Variants in LGI4 observed in about 807,000 individuals in gnomAD.
LGI4 encodes leucine-rich repeat LGI family member 4.
In LGI4, 36 loss-of-function variants were observed where a neutral mutation model predicts 48.3. The observed-to-expected ratio is 0.75, with a 90% CI of 0.57 to 0.98. The LOEUF is 0.98. Ranked by LOEUF, LGI4 falls within the 50% of genes least tolerant of loss-of-function variation. LGI4 has a pLI of 0.00. For synonymous variants in LGI4, 355 were observed against 331.6 expected, an observed-to-expected ratio of 1.07 and a Z score of -0.77; for missense variants, 701 against 732.1, an observed-to-expected ratio of 0.96 and a Z score of 0.49.
chr19:35,130,023 C>T (rs756661805), intron 6 of LGI4, among the ~76,000 whole-genome samples: 2 of 152,140 alleles, frequency 1.3e-5, no homozygotes, highest in African/African-American at 2.4e-5. Flanking sequence ...ATCTGGCCTA[C>T]GTGCACATCC....
At chr19:35,125,644 C>G in intron 8 of LGI4, 137 bp from the exon 9 acceptor site, 2 of 779,604 alleles carry the variant, frequency 2.6e-6, no homozygotes, top group South Asian at 1.6e-5. Context: ...CCCACCTGTT[C>G]GGCCACACAC....
Position 35,125,231 on chromosome 19 carries a change from G to C in LGI4, c.1576C>G (p.Gln526Glu). The C allele has an allele frequency of 6.4e-7, 1 of 1,574,442 alleles. No individual in the cohort carries two copies. The highest frequency in any genetic ancestry group is 8.6e-7 in the Non-Finnish European group (1 of 1,158,050). ...TCGATCTCGTGATGCTGGTAGATCT[G>C]TGTGGGGCCCTTAAAGCAAGCAGCA... ...LFAACFKGPT[Q>E]IYQHHEIDLS... Residue 526 changes from glutamine (Q) to glutamate (E), a missense_variant, in exon 9 of 9, where the codon CAG (glutamine) becomes GAG (glutamate). Physicochemically the swap from Gln to Glu is conservative, Grantham distance 29. Transcript: ENST00000310123.
In LGI4 at chr19:35,125,645, G is replaced by A. The variant is rs1463728504; in HGVS notation, c.1300-138C>T. 4 of 780,290 alleles carry A rather than the reference G, an allele frequency of 5.1e-6. No individual in the cohort carries two copies. In the Admixed American group the frequency reaches 6.4e-5, roughly 12 times the overall value. The allele number at this position is 780,290 out of a possible 1,614,324, so 48.3% of individuals were successfully genotyped here. A position where few individuals can be genotyped will look rare whatever the true frequency, so the allele number is the denominator to read the frequency against. On this transcript the variant is annotated intron_variant, in intron 8 of 8. Coordinates refer to ENST00000310123, the MANE Select transcript of LGI4 (RefSeq NM_139284.3). ...CATAAAAGTCACCACCCACCTGTTC[G>A]GCCACACACATGCAGTTGTTCTGAG...
chr19:35,127,745 T>G (rs1337818332), intron 6 of LGI4, among the ~76,000 whole-genome samples: 1 of 152,234 alleles, frequency 6.6e-6, no homozygotes, highest in Non-Finnish European at 1.5e-5. Context: ...AAACAGCATC[T>G]GGATTAATTC....
Position 35,133,784 on chromosome 19 carries a change from G to T in LGI4, c.243-20C>A. On this transcript the variant is annotated intron_variant, in intron 2 of 8. Coordinates refer to ENST00000310123, the MANE Select transcript of LGI4 (RefSeq NM_139284.3). ...AAGAGGCTGGCAAGGGGGCAAGAAA[G>T]AAATTTTTCCAGAATTGCAGCCCCC... The T allele has an allele frequency of 1.3e-6, 2 of 1,592,414 alleles. No individual in the cohort carries two copies. The highest frequency in any genetic ancestry group is 1.7e-4 in the Middle Eastern group (1 of 5,868).
At chr19:35,131,246 G>A in intron 6 of LGI4, 140 bp downstream of exon 6, 1 of 996,112 alleles carries the variant, frequency 1.0e-6, no homozygotes, top group South Asian at 1.4e-5. Flanking sequence ...GAGAAAACTG[G>A]GGCTCAGGAA....
At chr19:35,130,962 T>C (rs1483592692) in intron 6 of LGI4, 1 of 468,320 alleles carries the variant, frequency 2.1e-6, no homozygotes, top group Non-Finnish European at 3.8e-6. Context: ...CATTCTGTGC[T>C]CTCTGCACTG....
Position 35,128,411 on chromosome 19 carries a change from C to T in LGI4, c.629-1394G>A, listed in dbSNP as rs1020753997. Reference sequence around the variant, plus strand: ...TTTTTAAATGGCTATCAAATCACCTCTTGCTCAAAACTCTCAGCCGAGAGT... The same window carrying T: ...TTTTTAAATGGCTATCAAATCACCTTTTGCTCAAAACTCTCAGCCGAGAGT... On this transcript the variant is annotated intron_variant, in intron 6 of 8. Coordinates refer to ENST00000310123, the MANE Select transcript of LGI4 (RefSeq NM_139284.3). 5.9e-4 allele frequency among the ~76,000 whole-genome samples: 90 copies of T among 152,186 alleles called. 2 individuals are homozygous for T. The highest frequency in any genetic ancestry group is 1.5e-4 in the Non-Finnish European group (10 of 68,034).
rs764087493 is a variant in LGI4 at position 35,125,353 on chromosome 19, T to A, written c.1454A>T (p.Lys485Met). 13 of 1,613,408 alleles carry A rather than the reference T, an allele frequency of 8.1e-6. No individual in the cohort carries two copies. The Admixed American group carries it at 2.0e-4, about 25-fold the overall frequency. ...FSQVLRLEPDKGLLEPLQELG... is the reference protein window; with the variant it reads ...FSQVLRLEPDMGLLEPLQELG... ...CTCCTGCAGTGGCTCCAGGAGCCCC[T>A]TGTCAGGCTCAAGGCGGAGGACCTG... Residue 485 changes from lysine (K) to methionine (M), a missense_variant, in exon 9 of 9, where the codon AAG (lysine) becomes ATG (methionine). This residue lies in a region of LGI4 where 223 missense variants were observed against 263.3 expected (regional missense o/e 0.85). Transcript: ENST00000310123.
In LGI4 at chr19:35,128,929, G is replaced by A. The variant is rs961100560; in HGVS notation, c.629-1912C>T. Among the ~76,000 whole-genome samples, 2 of 152,092 alleles carry A rather than the reference G, an allele frequency of 1.3e-5. 1 individual carries two copies. Among genetic ancestry groups the A allele is most frequent in the Admixed American group, 1.3e-4 (2 of 15,258 alleles). Reference sequence around the variant, plus strand: ...CTCTCTCTGAAGAGCCCTTCCCTCTGTTCCTCACTTAGCCACATCGAGACC... The same window carrying A: ...CTCTCTCTGAAGAGCCCTTCCCTCTATTCCTCACTTAGCCACATCGAGACC... On this transcript the variant is annotated intron_variant, in intron 6 of 8. Coordinates refer to ENST00000310123, the MANE Select transcript of LGI4 (RefSeq NM_139284.3).
In LGI4 at chr19:35,127,014, A is replaced by T. The variant is rs537669079; in HGVS notation, c.632T>A (p.Leu211Gln). 7.2e-5 allele frequency: 114 copies of T among 1,587,400 alleles called. 4 individuals are homozygous for T. In the South Asian group the frequency reaches 1.2e-3, roughly 17 times the overall value. ...CTCCCCCACCGTCTGGAACCAGGAC[A>T]GCTCTGTGGGTGGAGAAGAGAGTCA... ...PKTFKCRAIE[L>Q]SWFQTVGESA... Residue 211 changes from leucine to glutamine, a missense_variant, in exon 7 of 9, where the codon CTG becomes CAG. This residue lies in a region of LGI4 where 462 missense variants were observed against 436.4 expected (regional missense o/e 1.06). Transcript: ENST00000310123.
chr19:35,133,512 C>A, intron 3 of LGI4, 181 bp downstream of exon 3: 3 of 1,433,884 alleles, frequency 2.1e-6, no homozygotes, highest in East Asian at 2.5e-5. Context: ...CTGAGAACTT[C>A]ATCAGTATCA....
intron 6 of LGI4, among the ~76,000 whole-genome samples, chr19:35,130,768 C>G (rs1390193514): frequency 6.6e-6 from 1 of 152,182 alleles, no homozygotes; most frequent in African/African-American, 2.4e-5. Context: ...CCTGTCCCCC[C>G]AGCTCTGTGT....
At chr19:35,128,307 G>T (rs374399617) in intron 6 of LGI4, among the ~76,000 whole-genome samples, 3 of 152,214 alleles carry the variant, frequency 2.0e-5, no homozygotes, top group Non-Finnish European at 4.4e-5. Flanking sequence ...TTCACTCTGC[G>T]TGCCAGGCCC....
intron 6 of LGI4, chr19:35,131,077 C>T (rs577250579): frequency 1.2e-4 from 69 of 590,670 alleles, no homozygotes; most frequent in African/African-American, 9.5e-4. Context: ...TGGCACTTAA[C>T]GAAGAATTTT....
chr19:35,129,974 C>A (rs528120213), intron 6 of LGI4, among the ~76,000 whole-genome samples: 1 of 152,168 alleles, frequency 6.6e-6, no homozygotes, highest in African/African-American at 2.4e-5. Flanking sequence ...CTCAGCTACT[C>A]TTTACTGCAC....
In LGI4 at chr19:35,131,479, T is replaced by A; in HGVS notation, c.535A>T (p.Ser179Cys). The A allele has an allele frequency of 6.4e-7, 1 of 1,551,044 alleles. No individual in the cohort carries two copies. Among genetic ancestry groups the A allele is most frequent in the South Asian group, 1.2e-5 (1 of 84,028 alleles). ...CCCGCACAGGCGCCGGTCCCCACGC[T>A]GGCATTCACGGTGGGCATCCACTGC... is the stretch of plus-strand genomic sequence containing the variant. ...LLQWMPTVNASVGTGACAGPA... is the reference protein window; with the variant it reads ...LLQWMPTVNACVGTGACAGPA... Residue 179 changes from serine to cysteine, a missense_variant, in exon 6 of 9, where the codon AGC becomes TGC. By Grantham distance (112) the Ser-to-Cys change is moderately radical. Around this residue, in one of 3 missense-constraint regions of LGI4, gnomAD observed 462 missense variants for 436.4 expected, o/e 1.06. Transcript: ENST00000310123.
intron 6 of LGI4, among the ~76,000 whole-genome samples, chr19:35,129,797 TG>T (rs2065162815): frequency 6.6e-6 from 1 of 151,798 alleles, no homozygotes; most frequent in Non-Finnish European, 1.5e-5. Flanking sequence ...TGAGGAGTAT[TG>T]GTGAAAGAGG....
chr19:35,126,179 C>G lies in LGI4; in HGVS notation c.1299+91G>C, dbSNP rs772952607. 2.1e-6 allele frequency: 3 copies of G among 1,407,068 alleles called. No individual in the cohort carries two copies. In the East Asian group the frequency reaches 7.2e-5, roughly 34 times the overall value. The allele number at this position is 1,407,068 out of a possible 1,614,324, so 87.2% of individuals were successfully genotyped here. A position where few individuals can be genotyped will look rare whatever the true frequency, so the allele number is the denominator to read the frequency against. ...GGTGGGGTCCTGGTTCAAAGGTCGG[C>G]ATGTGAGGGTAGGTCAGAGTTTAGA... On this transcript the variant is annotated intron_variant, in intron 8 of 8. Coordinates refer to ENST00000310123, the MANE Select transcript of LGI4 (RefSeq NM_139284.3).
Sources: gnomAD v4.1 joint callset for allele counts (sites outside exome capture counted in the v4.1 genomes callset) on GRCh38, gnomAD v4.1.1 for gene constraint, gnomAD v4.1.1 regional missense constraint, MANE v1.5 for transcripts, NCBI Gene and HGNC (gene_info 2026-07-23, HGNC 2026-07-21) for gene names.